Variants in ELOVL5 observed in about 807,000 individuals in gnomAD.
ELOVL5 encodes the protein ELOVL fatty acid elongase 5, also known as very long chain fatty acid elongase 5.
A neutral mutation model predicts 38.6 loss-of-function variants in ELOVL5; 8 were observed. The observed-to-expected ratio is 0.21, with a 90% CI of 0.12 to 0.37. The LOEUF (loss-of-function observed/expected upper bound fraction) is 0.37, where lower values mean the gene tolerates loss of function less well. ELOVL5 is among the 10% of genes least tolerant of loss of function. The pLI is 1.00. For synonymous variants in ELOVL5, 127 were observed against 133.7 expected (o/e 0.95, Z 0.34); for missense variants, 280 against 367.8 (o/e 0.76, Z 1.95).
rs906084540 is a variant in ELOVL5 at position 53,296,102 on chromosome 6, A to T, written c.-8-395T>A. 3.3e-5 allele frequency among the ~76,000 whole-genome samples: 5 copies of T among 152,186 alleles called. No homozygotes were observed. The East Asian group carries it at 9.6e-4, about 29-fold the overall frequency. Reference sequence around the variant, plus strand: ...AGGTAAGACAAGGAAGAGCCATATCAGGGAACAGAATGCCACAGTGACAAG... The same window carrying T: ...AGGTAAGACAAGGAAGAGCCATATCTGGGAACAGAATGCCACAGTGACAAG... On this transcript the variant is annotated intron_variant, in intron 1 of 7. Coordinates refer to ENST00000304434, the MANE Select transcript of ELOVL5 (RefSeq NM_021814.5).
intron 1 of ELOVL5, among the ~76,000 whole-genome samples, chr6:53,322,051 G>A (rs1768323207): frequency 6.6e-6 from 1 of 152,186 alleles, no homozygotes; most frequent in African/African-American, 2.4e-5. Context: ...CCTCTAAGAA[G>A]TATTATGCTT....
chr6:53,338,947 AC>A (rs929699175), intron 1 of ELOVL5, among the ~76,000 whole-genome samples: 1 of 152,128 alleles, frequency 6.6e-6, no homozygotes, highest in Non-Finnish European at 1.5e-5. Context: ...TAGTTATGCA[AC>A]CCCCCAAACG....
At chr6:53,298,350 A>T (rs1767102222) in intron 1 of ELOVL5, among the ~76,000 whole-genome samples, 1 of 152,098 alleles carries the variant, frequency 6.6e-6, no homozygotes, top group Admixed American at 6.6e-5. Context: ...TTTAAAACCT[A>T]GATTCTATTA....
intron 1 of ELOVL5, among the ~76,000 whole-genome samples, chr6:53,331,985 A>C (rs572493007): frequency 2.6e-4 from 39 of 152,318 alleles, no homozygotes; most frequent in African/African-American, 8.4e-4. Context: ...TGAGAGAGGA[A>C]GCAAGACAAA....
chr6:53,339,577 T>G (rs537865555), intron 1 of ELOVL5, among the ~76,000 whole-genome samples: 3 of 152,166 alleles, frequency 2.0e-5, no homozygotes, highest in Non-Finnish European at 4.4e-5. Flanking sequence ...ACAATGATAC[T>G]CCTGTAACAT....
At chr6:53,320,709 A>G (rs757241357) in intron 1 of ELOVL5, among the ~76,000 whole-genome samples, 30 of 152,196 alleles carry the variant, frequency 2.0e-4, no homozygotes, top group Non-Finnish European at 3.5e-4. Context: ...CTTCCACAGA[A>G]TATCAGGCCC....
chr6:53,348,015 C>A (rs1245441541), intron 1 of ELOVL5, among the ~76,000 whole-genome samples: 10 of 111,780 alleles, frequency 8.9e-5, no homozygotes, highest in African/African-American at 2.7e-4. Flanking sequence ...CGGCGCAGAG[C>A]ACAACCGCCC....
At chr6:53,309,827 A>G (rs1204854270) in intron 1 of ELOVL5, among the ~76,000 whole-genome samples, 1 of 152,204 alleles carries the variant, frequency 6.6e-6, no homozygotes, top group Non-Finnish European at 1.5e-5. Flanking sequence ...CAGCCACCTG[A>G]ATGAGCTCAG....
intron 1 of ELOVL5, among the ~76,000 whole-genome samples, chr6:53,344,721 C>T (rs1364138634): frequency 6.6e-6 from 1 of 152,188 alleles, no homozygotes; most frequent in African/African-American, 2.4e-5. Flanking sequence ...ATTATTATTA[C>T]ATCAATAACT....
At position 53,282,278 on chromosome 6, in the gene ELOVL5, C is replaced by T. The variant is rs7756073; in HGVS notation, c.247-6022G>A. On this transcript the variant is annotated intron_variant, in intron 3 of 7. Coordinates refer to ENST00000304434, the MANE Select transcript of ELOVL5 (RefSeq NM_021814.5). ...TCTCCAGCCTACCCACTGACGCCTG[C>T]TTTGCAGAGTTAAGTCCACTTTAGT... 7.9e-3 allele frequency among the ~76,000 whole-genome samples: 1,208 copies of T among 152,376 alleles called. 20 individuals carry two copies. Among genetic ancestry groups the T allele is most frequent in the African/African-American group, 0.027 (1,137 of 41,594 alleles).
At chr6:53,284,275 C>G (rs559635262) in intron 3 of ELOVL5, among the ~76,000 whole-genome samples, 1 of 150,790 alleles carries the variant, frequency 6.6e-6, no homozygotes, top group Admixed American at 6.6e-5. Context: ...CACTGCACTT[C>G]AGCCTGGGCA....
At chr6:53,273,426 A>T in intron 5 of ELOVL5, 82 bp from the exon 6 acceptor site, 1 of 1,298,266 alleles carries the variant, frequency 7.7e-7, no homozygotes, top group Non-Finnish European at 1.1e-6. Context: ...AAAATACAAG[A>T]TTCTTTTTGA....
intron 4 of ELOVL5, among the ~76,000 whole-genome samples, chr6:53,275,491 AG>A (rs1046291417): frequency 2.0e-4 from 31 of 152,298 alleles, no homozygotes; most frequent in Admixed American, 1.8e-3. Context: ...AAATGACTAC[AG>A]GGAATATTTT....
chr6:53,321,144 G>C (rs1296912938), intron 1 of ELOVL5, among the ~76,000 whole-genome samples: 1 of 152,200 alleles, frequency 6.6e-6, no homozygotes, highest in Non-Finnish European at 1.5e-5. Flanking sequence ...AAGATGTTCT[G>C]TTGGGTATGA....
At chr6:53,299,634 G>A (rs1767166078) in intron 1 of ELOVL5, among the ~76,000 whole-genome samples, 1 of 152,168 alleles carries the variant, frequency 6.6e-6, no homozygotes, top group African/African-American at 2.4e-5. Context: ...AGAGACTGTG[G>A]AATTTAGTAT....
intron 1 of ELOVL5, among the ~76,000 whole-genome samples, chr6:53,335,109 A>G (rs1426321903): frequency 6.6e-6 from 1 of 152,192 alleles, no homozygotes; most frequent in Non-Finnish European, 1.5e-5. Flanking sequence ...ATTTGCATCC[A>G]CTTCTCTTGA....
intron 1 of ELOVL5, among the ~76,000 whole-genome samples, chr6:53,333,880 C>A (rs1449029372): frequency 7.8e-6 from 1 of 127,960 alleles, no homozygotes; most frequent in South Asian, 2.5e-4. Flanking sequence ...GCTCAAATTC[C>A]ACGGTGAAAC....
intron 1 of ELOVL5, among the ~76,000 whole-genome samples, chr6:53,324,236 G>T: frequency 9.0e-6 from 1 of 110,958 alleles, no homozygotes; most frequent in East Asian, 2.6e-4. Context: ...CTGGGAGACA[G>T]AACGAGACTC....
intron 1 of ELOVL5, among the ~76,000 whole-genome samples, chr6:53,313,489 T>C (rs1473815527): frequency 6.6e-6 from 1 of 151,654 alleles, no homozygotes; most frequent in Non-Finnish European, 1.5e-5. Context: ...GCCTCCTGAG[T>C]AGCTTGGGAC....
Sources: allele counts gnomAD v4.1 joint callset (sites outside exome capture counted in the v4.1 genomes callset), GRCh38; gene constraint gnomAD v4.1.1; transcripts MANE v1.5; gene names NCBI Gene and HGNC (gene_info 2026-07-23, HGNC 2026-07-21).